CCR7: variants seen among roughly 807,000 people sequenced by gnomAD.
CCR7 encodes the protein C-C motif chemokine receptor 7, also known as C-C chemokine receptor type 7.
In CCR7, 11 loss-of-function variants were observed where a neutral mutation model predicts 26.0. The observed-to-expected ratio is 0.42, with a 90% CI of 0.27 to 0.70. CCR7 has a LOEUF of 0.70. Ranked by LOEUF, CCR7 falls within the 30% of genes least tolerant of loss-of-function variation. The probability of loss-of-function intolerance (pLI) is 0.23; values close to 1 mark genes in which losing one functional copy is unlikely to be tolerated. For synonymous variants in CCR7, 189 were observed against 202.1 expected (o/e 0.94, Z 0.55); for missense variants, 360 against 504.0 (o/e 0.71, Z 2.74).
chr17:40,558,631 T>C (rs2036618382), intron 2 of CCR7, among the ~76,000 whole-genome samples: 1 of 152,062 alleles, frequency 6.6e-6, no homozygotes, highest in East Asian at 1.9e-4. Flanking sequence ...GGCAGGGAGA[T>C]TGGAGGTGGG....
At chr17:40,565,365 G>A (rs1245493899) in intron 1 of CCR7, 35 bp downstream of exon 1, 1 of 1,596,566 alleles carries the variant, frequency 6.3e-7, no homozygotes, top group Non-Finnish European at 8.6e-7. Flanking sequence ...CAAGACCCTG[G>A]TACTGTTCCT....
chr17:40,561,137 C>T (rs1567830965), intron 1 of CCR7: 1 of 152,238 alleles, frequency 6.6e-6, no homozygotes, highest in South Asian at 2.1e-4. Context: ...CGGGTGAGAT[C>T]TGAGGAGCAA....
At position 40,555,738 on chromosome 17, in the gene CCR7, C is replaced by T; in HGVS notation, c.141G>A (p.Leu47=). ...TTVDYTLFES[L]CSKKDVRNFK... is the part of the protein sequence containing the mutation. ...AGTTCCGCACGTCCTTCTTGGAGCACAAAGACTCGAACAAAGTGTAGTCCA... is the reference window on the plus strand; with the variant it reads ...AGTTCCGCACGTCCTTCTTGGAGCATAAAGACTCGAACAAAGTGTAGTCCA... Residue 47 remains leucine, a synonymous_variant, in exon 3 of 3, where the codon TTG becomes TTA. Coordinates refer to ENST00000246657, the MANE Select transcript of CCR7 (RefSeq NM_001838.4). The surrounding 1 kb of genome is among the most constrained non-coding windows in gnomAD (Gnocchi z 5.6). 2 of 1,614,132 alleles carry T rather than the reference C, an allele frequency of 1.2e-6. No individual in the cohort carries two copies. The highest frequency in any genetic ancestry group is 1.7e-6 in the Non-Finnish European group (2 of 1,180,020).
At position 40,555,176 on chromosome 17, in the gene CCR7, G is replaced by T. The variant is rs1244378072; in HGVS notation, c.703C>A (p.Pro235Thr). The T allele has an allele frequency of 6.2e-7, 1 of 1,614,056 alleles. No individual in the cohort carries two copies. The highest frequency in any genetic ancestry group is 8.5e-7 in the Non-Finnish European group (1 of 1,180,030). The change falls in exon 3 of 3, where the codon CCC becomes ACC. Residue 235 changes from proline to threonine, a missense_variant. Physicochemically the swap from Pro to Thr is conservative, Grantham distance 38 (BLOSUM62 -1). Coordinates refer to ENST00000246657, the MANE Select transcript of CCR7 (RefSeq NM_001838.4). The surrounding 1 kb of genome is among the most constrained non-coding windows in gnomAD (Gnocchi z 5.6). ...TAACAGAAGCTCATGGCCAGCAGGG[G>T]GACCAGAAAGCCGATCACCATCTGG... ...VAQMVIGFLV[P>T]LLAMSFCYLV...
chr17:40,565,237 G>T (rs550015749), intron 1 of CCR7, among the ~76,000 whole-genome samples, 163 bp downstream of exon 1: 1 of 152,082 alleles, frequency 6.6e-6, no homozygotes, highest in Non-Finnish European at 1.5e-5. Flanking sequence ...ACAGCAGGGG[G>T]CATTCTCTGG....
At position 40,555,417 on chromosome 17, in the gene CCR7, G is replaced by T. The variant is rs2002724; in HGVS notation, c.462C>A (p.Arg154=). 3.3e-3 allele frequency: 5,367 copies of T among 1,613,972 alleles called. 132 individuals carry two copies. The African/African-American group carries it at 0.059, about 18-fold the overall frequency. The part of the protein sequence containing the change: ...MLLLLCISID[R]YVAIVQAVSA... Reference sequence around the variant, plus strand: ...AGACAGCCTGGACGATGGCCACGTAGCGGTCAATGCTGATGCAAAGAAGTA... The same window carrying T: ...AGACAGCCTGGACGATGGCCACGTATCGGTCAATGCTGATGCAAAGAAGTA... Residue 154 remains arginine, a synonymous_variant, in exon 3 of 3, where the codon CGC becomes CGA. Transcript: ENST00000246657. The surrounding 1 kb of genome is among the most constrained non-coding windows in gnomAD (Gnocchi z 5.6).
intron 2 of CCR7, among the ~76,000 whole-genome samples, chr17:40,557,799 C>T (rs2036608268): frequency 1.3e-5 from 2 of 152,232 alleles, no homozygotes; most frequent in South Asian, 2.1e-4. Context: ...CCTCTGCAGC[C>T]CACAGCCCCA....
chr17:40,555,921 C>G lies in CCR7; in HGVS notation c.61-103G>C. 3 of 729,970 alleles carry G rather than the reference C, an allele frequency of 4.1e-6. No homozygotes were observed. The highest frequency in any genetic ancestry group is 6.7e-6 in the Non-Finnish European group (3 of 450,500). The allele number at this position is 729,970 out of a possible 1,614,324, so 45.2% of individuals were successfully genotyped here. A position where few individuals can be genotyped will look rare whatever the true frequency, so the allele number is the denominator to read the frequency against. Reference sequence around the variant, plus strand: ...AGTGGTTTCTTTCTTTTTTTTTTTTCTTGAGACATGGTCTCACTCTGTTGC... The same window carrying G: ...AGTGGTTTCTTTCTTTTTTTTTTTTGTTGAGACATGGTCTCACTCTGTTGC... On this transcript the variant is annotated intron_variant, in intron 2 of 2. Coordinates refer to ENST00000246657, the MANE Select transcript of CCR7 (RefSeq NM_001838.4). The surrounding 1 kb of genome is among the most constrained non-coding windows in gnomAD (Gnocchi z 5.6).
chr17:40,563,814 A>T (rs1445327371), intron 1 of CCR7, among the ~76,000 whole-genome samples: 3 of 152,244 alleles, frequency 2.0e-5, no homozygotes, highest in East Asian at 1.9e-4. Context: ...GTCTGGGGTA[A>T]GACACTCTGC....
At chr17:40,565,260 A>G (rs1395607551) in intron 1 of CCR7, 140 bp downstream of exon 1, 6 of 800,552 alleles carry the variant, frequency 7.5e-6, no homozygotes, top group Non-Finnish European at 1.1e-5. Flanking sequence ...GTAGCTTCCA[A>G]TGCCCACCAA....
chr17:40,565,261 T>G (rs1282087200), intron 1 of CCR7, 139 bp downstream of exon 1: 1 of 803,550 alleles, frequency 1.2e-6, no homozygotes, highest in Admixed American at 1.8e-5. Flanking sequence ...TAGCTTCCAA[T>G]GCCCACCAAA....
At chr17:40,561,421 T>C (rs925397592) in intron 1 of CCR7, among the ~76,000 whole-genome samples, 1 of 152,166 alleles carries the variant, frequency 6.6e-6, no homozygotes, top group African/African-American at 2.4e-5. Flanking sequence ...TCCCTGTCTG[T>C]TACAAAGTCA....
At position 40,555,618 on chromosome 17, in the gene CCR7, C is replaced by G; in HGVS notation, c.261G>C (p.Lys87Asn). 2 of 1,614,144 alleles carry G rather than the reference C, an allele frequency of 1.2e-6. No individual in the cohort carries two copies. The highest frequency in any genetic ancestry group is 1.7e-6 in the Non-Finnish European group (2 of 1,180,040). The change falls in exon 3 of 3, where the codon AAG becomes AAC. Residue 87 changes from lysine (K) to asparagine (N), a missense_variant. Physicochemically the swap from Lys to Asn is moderately conservative, Grantham distance 94. Coordinates refer to ENST00000246657, the MANE Select transcript of CCR7 (RefSeq NM_001838.4). This position sits in a 1 kb window ranked among gnomAD's most constrained non-coding sequence, Gnocchi z 5.6. ...AGGTATCGGTCATGGTCTTGAGCCT[C>G]TTGAAATAGATATAGGTCAACACGA... ...GLVVLTYIYF[K>N]RLKTMTDTYL...
At position 40,555,503 on chromosome 17, in the gene CCR7, C is replaced by T. The variant is rs765943208; in HGVS notation, c.376G>A (p.Val126Ile). 4.3e-6 allele frequency: 7 copies of T among 1,614,066 alleles called. No homozygotes were observed. The highest frequency in any genetic ancestry group is 2.5e-6 in the Non-Finnish European group (3 of 1,180,036). The part of the protein sequence containing the change: ...YSAAKSWVFG[V>I]HFCKLIFAIY... The stretch of plus-strand genomic sequence containing the variant: ...GCAAAGATGAGCTTGCAAAAGTGGA[C>T]ACCGAAGACCCAGGACTTGGCCGCG... The change falls in exon 3 of 3, where the codon GTC becomes ATC. Residue 126 changes from valine (V) to isoleucine (I), a missense_variant. Val to Ile is a conservative substitution (Grantham distance 29). Coordinates refer to ENST00000246657, the MANE Select transcript of CCR7 (RefSeq NM_001838.4). This position sits in a 1 kb window ranked among gnomAD's most constrained non-coding sequence, Gnocchi z 5.6.
intron 1 of CCR7, among the ~76,000 whole-genome samples, chr17:40,563,727 A>C (rs2036677510): frequency 6.6e-6 from 1 of 152,038 alleles, no homozygotes. Flanking sequence ...AAGTGGCAAG[A>C]ATATCCCTTC....
At chr17:40,563,733 C>G (rs2036677541) in intron 1 of CCR7, among the ~76,000 whole-genome samples, 1 of 152,064 alleles carries the variant, frequency 6.6e-6, no homozygotes, top group African/African-American at 2.4e-5. Flanking sequence ...CAAGAATATC[C>G]CTTCTTCCTG....
At chr17:40,557,266 C>T (rs1054924413) in intron 2 of CCR7, among the ~76,000 whole-genome samples, 4 of 152,210 alleles carry the variant, frequency 2.6e-5, no homozygotes, top group Non-Finnish European at 4.4e-5. Flanking sequence ...CTGCGCACAG[C>T]GATGGACGGG....
chr17:40,556,443 A>G (rs1280004912), intron 2 of CCR7, among the ~76,000 whole-genome samples: 2 of 152,184 alleles, frequency 1.3e-5, no homozygotes, highest in Non-Finnish European at 2.9e-5. Flanking sequence ...CAAGTCTGAG[A>G]GACTCTACAT....
In CCR7 at chr17:40,555,122, C is replaced by T; in HGVS notation, c.757G>A (p.Ala253Thr). ...GCCTTGTTGCGCTCAAAGTTGCGTG[C>T]CTGGAGCAGGGTGCGGATGATGACA... Reference protein sequence around the residue: ...YLVIIRTLLQARNFERNKAIK... With the variant: ...YLVIIRTLLQTRNFERNKAIK... The change falls in exon 3 of 3, where the codon GCA becomes ACA. Residue 253 changes from alanine to threonine, a missense_variant. By Grantham distance (58) the Ala-to-Thr change is moderately conservative. Transcript: ENST00000246657. The surrounding 1 kb of genome is among the most constrained non-coding windows in gnomAD (Gnocchi z 5.6). 2 of 1,614,072 alleles carry T rather than the reference C, an allele frequency of 1.2e-6. No individual in the cohort carries two copies. Among genetic ancestry groups the T allele is most frequent in the Non-Finnish European group, 1.7e-6 (2 of 1,180,012 alleles).
Sources: allele counts gnomAD v4.1 joint callset (sites outside exome capture counted in the v4.1 genomes callset), GRCh38; gene constraint gnomAD v4.1.1; non-coding constraint Gnocchi (gnomAD v3.1); transcripts MANE v1.5; gene names NCBI Gene and HGNC (gene_info 2026-07-23, HGNC 2026-07-21).